KDR: variants seen among roughly 807,000 people sequenced by gnomAD.
KDR encodes the protein vascular endothelial growth factor receptor 2.
Under a neutral mutation model 160.9 loss-of-function variants are expected in KDR, and 43 were observed. The observed-to-expected ratio is 0.27, with a 90% CI of 0.21 to 0.34. The LOEUF is 0.34. Ranked by LOEUF, KDR falls within the 10% of genes least tolerant of loss-of-function variation. The probability of loss-of-function intolerance (pLI) is 1.00; values close to 1 mark genes in which losing one functional copy is unlikely to be tolerated. For missense variants in KDR, 1,469 were observed against 1,666.4 expected (o/e 0.88, Z 2.06); for synonymous variants, 617 against 600.1 (o/e 1.03, Z -0.41).
chr4:55,111,600 A>G (rs1053889519), intron 7 of KDR, among the ~76,000 whole-genome samples: 11 of 152,130 alleles, frequency 7.2e-5, no homozygotes, highest in African/African-American at 2.7e-4. Flanking sequence ...TGACCTCCTT[A>G]TTTCTGCCCC....
chr4:55,086,915 T>A (rs1393770141), intron 27 of KDR, among the ~76,000 whole-genome samples: 1 of 152,094 alleles, frequency 6.6e-6, no homozygotes, highest in Non-Finnish European at 1.5e-5. Context: ...AATGAAGTAG[T>A]CCCAGCCTTA....
At chr4:55,118,022 T>C (rs1487925388) in intron 3 of KDR, among the ~76,000 whole-genome samples, 1 of 152,152 alleles carries the variant, frequency 6.6e-6, no homozygotes, top group African/African-American at 2.4e-5. Flanking sequence ...CAGCATATCA[T>C]CCAAGATCTC....
chr4:55,088,934 A>C lies in KDR; in HGVS notation c.3444T>G (p.Ser1148Arg). ...TMLDCWHGEP[S>R]QRPTFSELVE... The stretch of plus-strand genomic sequence containing the variant: ...CCAACTCTGAAAACGTGGGTCTCTG[A>C]CTGGGCTCCCCGTGCCAGCAGTCCA... Residue 1148 changes from serine (S) to arginine (R), a missense_variant, in exon 26 of 30, where the codon AGT becomes AGG. Physicochemically the swap from Ser to Arg is moderately radical, Grantham distance 110 (BLOSUM62 -1). Transcript: ENST00000263923. 6.2e-7 allele frequency: 1 copy of C among 1,614,160 alleles called. No homozygotes were observed. The highest frequency in any genetic ancestry group is 8.5e-7 in the Non-Finnish European group (1 of 1,179,996).
chr4:55,120,428 AG>A (rs1156675845), intron 2 of KDR, among the ~76,000 whole-genome samples: 1 of 152,104 alleles, frequency 6.6e-6, no homozygotes, highest in Non-Finnish European at 1.5e-5. Context: ...CAAAATTTAA[AG>A]GCCTCTTCTT....
rs763206832 is a variant in KDR, at chr4:55,080,002, C to A, written c.4010G>T (p.Gly1337Val). ...AGGCTGGAGAATCTGGGCTGTGCTACCGGTTTGCACTCCAATCTCTATCAG... is the reference window on the plus strand; with the variant it reads ...AGGCTGGAGAATCTGGGCTGTGCTAACGGTTTGCACTCCAATCTCTATCAG... ...LKLIEIGVQT[G>V]STAQILQPDS... Residue 1337 changes from glycine to valine, a missense_variant, in exon 30 of 30, where the codon GGT becomes GTT. Around this residue, in one of 7 missense-constraint regions of KDR, gnomAD observed 229 missense variants for 197.8 expected, o/e 1.16. Coordinates refer to ENST00000263923, the MANE Select transcript of KDR (RefSeq NM_002253.4). 1.2e-6 allele frequency: 2 copies of A among 1,614,160 alleles called. No individual in the cohort carries two copies. Among genetic ancestry groups the A allele is most frequent in the Admixed American group, 1.7e-5 (1 of 60,020 alleles).
rs777091979 is a variant in KDR, at chr4:55,118,719, A to G, written c.243T>C (p.Asp81=). ...EQRVEVTECS[D]GLFCKTLTIP... ...TTGTGAGTGTCTTACAGAAGAGGCC[A>G]TCGCTGCACTCAGTCACCTCCACCC... Residue 81 remains aspartate (D), a synonymous_variant, in exon 3 of 30, where the codon GAT becomes GAC. Coordinates refer to ENST00000263923, the MANE Select transcript of KDR (RefSeq NM_002253.4). 8.7e-6 allele frequency: 14 copies of G among 1,614,004 alleles called. No homozygotes were observed. The African/African-American group carries it at 1.7e-4, about 20-fold the overall frequency.
intron 20 of KDR, 116 bp from the exon 21 acceptor site, chr4:55,095,071 C>A: frequency 1.0e-6 from 1 of 996,726 alleles, no homozygotes; most frequent in South Asian, 1.5e-5. Context: ...AAAAAGCAGA[C>A]AAGGAGGACA....
In KDR at chr4:55,107,904, G is replaced by C; in HGVS notation, c.1256-11C>G. On this transcript the variant is annotated splice_polypyrimidine_tract_variant and intron_variant, in intron 9 of 29. Coordinates refer to ENST00000263923, the MANE Select transcript of KDR (RefSeq NM_002253.4). The stretch of plus-strand genomic sequence containing the variant: ...CAATCTGGGGTGGGACTGAAGATGG[G>C]AAAAACAACTTTTGAATTGTCAGTC... 1 of 1,613,764 alleles carries C rather than the reference G, an allele frequency of 6.2e-7. No homozygotes were observed. The highest frequency in any genetic ancestry group is 8.5e-7 in the Non-Finnish European group (1 of 1,179,746).
intron 27 of KDR, among the ~76,000 whole-genome samples, chr4:55,085,495 G>T (rs1409883250): frequency 2.0e-5 from 3 of 152,166 alleles, no homozygotes; most frequent in African/African-American, 4.8e-5. Flanking sequence ...TCCCTGAGAA[G>T]TACCCCAGCC....
chr4:55,095,994 T>C (rs2110016234), intron 19 of KDR, among the ~76,000 whole-genome samples: 1 of 152,336 alleles, frequency 6.6e-6, no homozygotes, highest in Middle Eastern at 3.4e-3. Context: ...TGGACATCTG[T>C]TACACAAGTA....
intron 22 of KDR, among the ~76,000 whole-genome samples, chr4:55,090,944 T>G (rs1719998554): frequency 7.6e-6 from 1 of 131,856 alleles, no homozygotes; most frequent in Non-Finnish European, 1.6e-5. Context: ...AACCTTCACC[T>G]CCCAGGTTCA....
chr4:55,125,048 G>A (rs975913209), intron 1 of KDR, among the ~76,000 whole-genome samples, 179 bp downstream of exon 1: 1 of 152,156 alleles, frequency 6.6e-6, no homozygotes, highest in Admixed American at 6.6e-5. Context: ...CCACAGACTC[G>A]CTGGGTAATC....
rs2110011017 is a variant in KDR, at chr4:55,089,748, T to C, written c.3247A>G (p.Thr1083Ala). 6.2e-7 allele frequency: 1 copy of C among 1,614,146 alleles called. No homozygotes were observed. The change falls in exon 24 of 30, where the codon ACA becomes GCA. Residue 1083 changes from threonine to alanine, a missense_variant. Physicochemically the swap from Thr to Ala is moderately conservative, Grantham distance 58. Coordinates refer to ENST00000263923, the MANE Select transcript of KDR (RefSeq NM_002253.4). ...APETIFDRVYTIQSDVWSFGV... is the reference protein window; with the variant it reads ...APETIFDRVYAIQSDVWSFGV... ...AAAGACCAGACGTCACTCTGGATTG[T>C]GTACACTCTGTCAAAAATTGTTTCT...
chr4:55,089,609 G>C, intron 24 of KDR, 82 bp downstream of exon 24: 1 of 1,381,052 alleles, frequency 7.2e-7, no homozygotes, highest in Non-Finnish European at 1.0e-6. Context: ...TTGCCTGATA[G>C]ACATGAAGTA....
chr4:55,089,559 C>T (rs562326444), intron 24 of KDR, 86 bp from the exon 25 acceptor site: 4 of 1,320,562 alleles, frequency 3.0e-6, no homozygotes, highest in East Asian at 2.3e-5. Flanking sequence ...ATCCTCATCA[C>T]CTATGTATCT....
In KDR at chr4:55,118,819, G is replaced by T; in HGVS notation, c.162-19C>A. On this transcript the variant is annotated intron_variant, in intron 2 of 29. Coordinates refer to ENST00000263923, the MANE Select transcript of KDR (RefSeq NM_002253.4). ...CTGTCCCCTGAAAAATTAATTTCAG[G>T]GAGGTATTAATATGAAGTGCCAGAC... 3 of 1,606,034 alleles carry T rather than the reference G, an allele frequency of 1.9e-6. No homozygotes were observed. In the South Asian group the frequency reaches 3.3e-5, roughly 18 times the overall value.
Position 55,078,627 on chromosome 4 carries a change from A to G in KDR, c.*1314T>C, listed in dbSNP as rs989960126. 3.0e-5 allele frequency: 7 copies of G among 232,820 alleles called. No individual in the cohort carries two copies. Among genetic ancestry groups the G allele is most frequent in the Middle Eastern group, 1.3e-3 (1 of 782 alleles). The allele number at this position is 232,820 out of a possible 1,614,324, so 14.4% of individuals were successfully genotyped here. A position where few individuals can be genotyped will look rare whatever the true frequency, so the allele number is the denominator to read the frequency against. ...TTTAATATATTACATTTGTTTCTAC[A>G]TAAACAGACTATAAATATATGTGCC... On this transcript the variant is annotated 3_prime_UTR_variant, in exon 30 of 30. Transcript: ENST00000263923.
intron 3 of KDR, among the ~76,000 whole-genome samples, 181 bp from the exon 4 acceptor site, chr4:55,115,592 ATG>A (rs58765151): frequency 7.3e-5 from 11 of 151,004 alleles, no homozygotes; most frequent in South Asian, 2.1e-4. Context: ...GTGTGTGTGT[ATG>A]TGTGTGTGTG....
In KDR at chr4:55,105,037, A is replaced by G. The variant is rs1438491749; in HGVS notation, c.1646-53T>C. 4.2e-6 allele frequency: 6 copies of G among 1,429,946 alleles called. No individual in the cohort carries two copies. In the Admixed American group the frequency reaches 8.5e-5, roughly 20 times the overall value. The allele number at this position is 1,429,946 out of a possible 1,614,324, so 88.6% of individuals were successfully genotyped here. A position where few individuals can be genotyped will look rare whatever the true frequency, so the allele number is the denominator to read the frequency against. ...ATGGTGATTTAACTTGGTACAGCTC[A>G]CTATCATCTTGCTGCTTTCAGACTA... On this transcript the variant is annotated intron_variant, in intron 12 of 29. Transcript: ENST00000263923.
Sources: allele counts gnomAD v4.1 joint callset (sites outside exome capture counted in the v4.1 genomes callset), GRCh38; gene constraint gnomAD v4.1.1; regional missense constraint gnomAD v4.1.1; transcripts MANE v1.5; gene names NCBI Gene and HGNC (gene_info 2026-07-23, HGNC 2026-07-21).